Variants in BCKDHB observed in about 807,000 individuals in gnomAD.
The protein encoded by BCKDHB is 2-oxoisovalerate dehydrogenase subunit beta, mitochondrial.
In BCKDHB, 41 loss-of-function variants were observed where a neutral mutation model predicts 48.5. The ratio of observed to expected loss-of-function variants is 0.85; its 90% CI spans 0.66 to 1.10. The LOEUF is 1.10. Among genes scored for constraint, BCKDHB ranks in the 50% least tolerant of loss-of-function variants. The probability of loss-of-function intolerance (pLI) is 0.00; values close to 1 mark genes in which losing one functional copy is unlikely to be tolerated. For synonymous variants in BCKDHB, 201 were observed against 174.8 expected (o/e 1.15, Z -1.18); for missense variants, 496 against 494.2 (o/e 1.00, Z -0.03).
chr6:80,403,115 A>G, the BCKDHB span, among the ~76,000 whole-genome samples: 3 of 151,822 alleles, frequency 2.0e-5, no homozygotes, highest in Non-Finnish European at 3.0e-5. Context: ...ATGAAGGTTA[A>G]CATTATTTTT....
intron 9 of BCKDHB, among the ~76,000 whole-genome samples, chr6:80,330,241 A>T (rs1378805902): frequency 6.6e-6 from 1 of 152,210 alleles, no homozygotes; most frequent in Non-Finnish European, 1.5e-5. Flanking sequence ...GACATGATCA[A>T]AATGGCACCA....
chr6:80,424,320 T>G, the BCKDHB span, among the ~76,000 whole-genome samples: 1 of 152,198 alleles, frequency 6.6e-6, no homozygotes, highest in African/African-American at 2.4e-5. Context: ...AGCACGCTTT[T>G]AAGTTAAAGG....
At chr6:80,428,134 G>C in the BCKDHB span, among the ~76,000 whole-genome samples, 3 of 151,650 alleles carry the variant, frequency 2.0e-5, no homozygotes. Flanking sequence ...TTGGTTTTCT[G>C]TTCTTGTATT....
chr6:80,193,719 CAA>C (rs61317782), intron 6 of BCKDHB, among the ~76,000 whole-genome samples: 19 of 61,264 alleles, frequency 3.1e-4, no homozygotes, highest in Admixed American at 5.7e-4. Context: ...GACTCTGTCT[CAA>C]AAAAAAAAAA....
the BCKDHB span, among the ~76,000 whole-genome samples, chr6:80,396,552 A>G: frequency 6.6e-6 from 1 of 152,140 alleles, no homozygotes; most frequent in Non-Finnish European, 1.5e-5. Context: ...GTTGAATAAT[A>G]TGGTTTGGCT....
At chr6:80,243,227 C>T (rs1249536713) in intron 8 of BCKDHB, among the ~76,000 whole-genome samples, 8 of 152,082 alleles carry the variant, frequency 5.3e-5, no homozygotes, top group Admixed American at 1.3e-4. Context: ...CCAGCTCATT[C>T]CCAGGCAAAG....
chr6:80,331,441 A>G (rs959976104), intron 9 of BCKDHB, among the ~76,000 whole-genome samples: 3 of 152,164 alleles, frequency 2.0e-5, no homozygotes, highest in African/African-American at 4.8e-5. Flanking sequence ...TTATACTTTT[A>G]TTCTTGTGAG....
intron 3 of BCKDHB, among the ~76,000 whole-genome samples, chr6:80,133,726 T>C (rs1440117841): frequency 6.6e-6 from 1 of 151,826 alleles, no homozygotes; most frequent in Non-Finnish European, 1.5e-5. Flanking sequence ...CACTGTAACC[T>C]CTCTCTCCCA....
chr6:80,123,666 T>C, intron 1 of BCKDHB, among the ~76,000 whole-genome samples: 1 of 152,248 alleles, frequency 6.6e-6, no homozygotes, highest in South Asian at 2.1e-4. Flanking sequence ...CTAGATTTTC[T>C]AGTTTATTTG....
rs564653195 is a variant in BCKDHB, at chr6:80,134,035, AAGAG to A, written c.343+4808_343+4811del. Among the ~76,000 whole-genome samples, 19 of 152,078 alleles carry A rather than the reference AAGAG, an allele frequency of 1.2e-4. No individual in the cohort carries two copies. The East Asian group carries it at 3.3e-3, about 26-fold the overall frequency. The stretch of plus-strand genomic sequence containing the variant: ...ATTGTCATTCTCTGAGAGAGAGAGA[AAGAG>A]AAAGAGTGTATGTGTGTGTGTGTGT... On this transcript the variant is annotated intron_variant, in intron 3 of 9. Coordinates refer to ENST00000320393, the MANE Select transcript of BCKDHB (RefSeq NM_183050.4).
intron 4 of BCKDHB, 124 bp from the exon 5 acceptor site, chr6:80,168,751 G>A: frequency 2.8e-6 from 3 of 1,088,554 alleles, no homozygotes; most frequent in Non-Finnish European, 2.7e-6. Context: ...AGGCAGGGAG[G>A]GAGGGAAAGA....
At chr6:80,403,942 G>A in the BCKDHB span, among the ~76,000 whole-genome samples, 2 of 152,112 alleles carry the variant, frequency 1.3e-5, no homozygotes, top group Admixed American at 1.3e-4. Context: ...TGATCATGGT[G>A]TATGATCCTT....
In BCKDHB at chr6:80,106,853, T is replaced by C. The variant is rs768704207; in HGVS notation, c.160T>C (p.Phe54Leu). 1.2e-6 allele frequency: 2 copies of C among 1,610,186 alleles called. No homozygotes were observed. Among genetic ancestry groups the C allele is most frequent in the Non-Finnish European group, 1.7e-6 (2 of 1,178,974 alleles). ...GGCCCAGAGGCGGCAGGTGGCTCATTTTACTTTCCAGCCAGATCCGGAGCC... is the reference window on the plus strand; with the variant it reads ...GGCCCAGAGGCGGCAGGTGGCTCATCTTACTTTCCAGCCAGATCCGGAGCC... Reference protein sequence around the residue: ...DAAQRRQVAHFTFQPDPEPRE... With the variant: ...DAAQRRQVAHLTFQPDPEPRE... The change falls in exon 1 of 10, where the codon TTT (phenylalanine) becomes CTT (leucine). Residue 54 changes from phenylalanine to leucine, a missense_variant. Transcript: ENST00000320393.
intron 9 of BCKDHB, among the ~76,000 whole-genome samples, chr6:80,339,901 T>G (rs905340294): frequency 2.5e-4 from 38 of 152,156 alleles, no homozygotes; most frequent in African/African-American, 8.2e-4. Context: ...TGCAGAAGAG[T>G]GACTAAGAAA....
At chr6:80,263,272 A>G (rs949096272) in intron 8 of BCKDHB, among the ~76,000 whole-genome samples, 1 of 152,174 alleles carries the variant, frequency 6.6e-6, no homozygotes, top group East Asian at 1.9e-4. Context: ...CTATTAAGTA[A>G]TCAATGAATA....
At chr6:80,364,427 T>C in the BCKDHB span, among the ~76,000 whole-genome samples, 2 of 152,182 alleles carry the variant, frequency 1.3e-5, no homozygotes, top group African/African-American at 2.4e-5. Context: ...GATCCAGGTC[T>C]ATTTGTGTCT....
chr6:80,296,420 A>G (rs773885784), intron 9 of BCKDHB, among the ~76,000 whole-genome samples: 4 of 152,358 alleles, frequency 2.6e-5, no homozygotes, highest in Non-Finnish European at 4.4e-5. Flanking sequence ...TTGGAATTGT[A>G]GGAGTTTCCC....
intron 9 of BCKDHB, among the ~76,000 whole-genome samples, chr6:80,317,796 A>G (rs1190686479): frequency 6.6e-6 from 1 of 152,126 alleles, no homozygotes; most frequent in Non-Finnish European, 1.5e-5. Flanking sequence ...TTTCTCTTCT[A>G]CCTCACCACA....
intron 8 of BCKDHB, among the ~76,000 whole-genome samples, chr6:80,223,742 G>A (rs2127867666): frequency 6.6e-6 from 1 of 152,270 alleles, no homozygotes; most frequent in African/African-American, 2.4e-5. Context: ...TAACAGTACT[G>A]CAAATCCCTG....
Sources: gnomAD v4.1 joint callset for allele counts (sites outside exome capture counted in the v4.1 genomes callset) on GRCh38, gnomAD v4.1.1 for gene constraint, MANE v1.5 for transcripts, NCBI Gene and HGNC (gene_info 2026-07-23, HGNC 2026-07-21) for gene names.